The following FA2H variants were observed in gnomAD, a reference collection of about 807,000 sequenced individuals.
The protein encoded by FA2H is fatty acid 2-hydroxylase.
Under a neutral mutation model 44.9 loss-of-function variants are expected in FA2H, and 22 were observed. The observed-to-expected ratio is 0.49, with a 90% CI of 0.35 to 0.70. The LOEUF (loss-of-function observed/expected upper bound fraction) is 0.70. Among genes scored for constraint, FA2H ranks in the 30% least tolerant of loss-of-function variants. FA2H has a pLI of 0.01. For missense variants in FA2H, 501 were observed against 504.9 expected, an observed-to-expected ratio of 0.99 and a Z score of 0.07; for synonymous variants, 243 against 213.2, an observed-to-expected ratio of 1.14 and a Z score of -1.22.
At chr16:74,719,935 C>G (rs1480334456) in intron 4 of FA2H, among the ~76,000 whole-genome samples, 1 of 151,880 alleles carries the variant, frequency 6.6e-6, no homozygotes, top group African/African-American at 2.4e-5. Context: ...GCACCGAGAT[C>G]TCAACAGACA....
intron 1 of FA2H, among the ~76,000 whole-genome samples, chr16:74,768,117 G>A (rs1391835268): frequency 1.3e-5 from 2 of 152,180 alleles, no homozygotes; most frequent in South Asian, 2.1e-4. Flanking sequence ...AAAAATAAGC[G>A]AAGATGATGA....
chr16:74,743,148 G>C (rs949734867), intron 1 of FA2H, among the ~76,000 whole-genome samples: 1 of 152,086 alleles, frequency 6.6e-6, no homozygotes, highest in Non-Finnish European at 1.5e-5. Context: ...CACCATGCCC[G>C]ACCTCTATTT....
intron 1 of FA2H, among the ~76,000 whole-genome samples, chr16:74,764,216 G>A (rs185592600): frequency 6.6e-6 from 1 of 152,104 alleles, no homozygotes; most frequent in African/African-American, 2.4e-5. Flanking sequence ...TCCAGTTACT[G>A]GGTATATACC....
chr16:74,720,693 C>A (rs749680480), intron 4 of FA2H, among the ~76,000 whole-genome samples: 3 of 152,088 alleles, frequency 2.0e-5, no homozygotes, highest in Non-Finnish European at 4.4e-5. Context: ...ACATTTTTAT[C>A]ACTTCCCCGC....
rs113880686 is a variant in FA2H at position 74,750,232 on chromosome 16, C to A, written c.271-10117G>T. On this transcript the variant is annotated intron_variant, in intron 1 of 6. Transcript: ENST00000219368. ...GCATTCCACAAGGAAAATACACGTA[C>A]GACACCTAAAATATATTATCTCCTC... Among the ~76,000 whole-genome samples the A allele has an allele frequency of 3.2e-3, 493 of 152,228 alleles. 4 individuals are homozygous for A. The highest frequency in any genetic ancestry group is 4.3e-3 in the Non-Finnish European group (294 of 68,014).
intron 1 of FA2H, among the ~76,000 whole-genome samples, chr16:74,771,342 C>A (rs1232904204): frequency 6.6e-6 from 1 of 152,038 alleles, no homozygotes; most frequent in African/African-American, 2.4e-5. Flanking sequence ...AGGCATGCAC[C>A]ACCACGCCCA....
intron 6 of FA2H, among the ~76,000 whole-genome samples, chr16:74,715,628 A>G (rs1961675727): frequency 6.6e-6 from 1 of 152,214 alleles, no homozygotes; most frequent in African/African-American, 2.4e-5. Context: ...ATGTTGAAAT[A>G]ATAATTTGCT....
Position 74,774,666 on chromosome 16 carries a change from C to T in FA2H, c.90G>A (p.Gly30=), listed in dbSNP as rs1301123071. The change falls in exon 1 of 7, where the codon GGG becomes GGA. Residue 30 remains glycine (G), a synonymous_variant. Transcript: ENST00000219368. ...AGCTGGAGAGGTCGTAGAGGCGGGCCCCGCGGCGGACCCAGCACGCGCCGG... is the reference window on the plus strand; with the variant it reads ...AGCTGGAGAGGTCGTAGAGGCGGGCTCCGCGGCGGACCCAGCACGCGCCGG... The part of the protein sequence containing the change: ...LAAGACWVRR[G]ARLYDLSSFV... 6.3e-6 allele frequency: 9 copies of T among 1,435,346 alleles called. No homozygotes were observed. The highest frequency in any genetic ancestry group is 2.6e-5 in the Admixed American group (1 of 38,614). The allele number at this position is 1,435,346 out of a possible 1,614,324, so 88.9% of individuals were successfully genotyped here.
intron 4 of FA2H, among the ~76,000 whole-genome samples, chr16:74,722,588 C>T (rs968256565): frequency 2.6e-5 from 4 of 151,886 alleles, no homozygotes; most frequent in African/African-American, 9.7e-5. Flanking sequence ...TCCACTTTGC[C>T]ACTTCCCATT....
intron 1 of FA2H, among the ~76,000 whole-genome samples, chr16:74,773,186 A>C (rs1962939857): frequency 6.6e-6 from 1 of 152,186 alleles, no homozygotes; most frequent in South Asian, 2.1e-4. Context: ...TCATGTTATC[A>C]TCTTACATTA....
At chr16:74,772,026 C>T (rs527874173) in intron 1 of FA2H, among the ~76,000 whole-genome samples, 35 of 151,318 alleles carry the variant, frequency 2.3e-4, no homozygotes, top group Admixed American at 4.0e-4. Flanking sequence ...TCTTGGCTCA[C>T]TGCAACCTCC....
chr16:74,747,528 C>T (rs117763184), intron 1 of FA2H, among the ~76,000 whole-genome samples: 47 of 152,162 alleles, frequency 3.1e-4, no homozygotes, highest in Admixed American at 7.2e-4. Context: ...CAGAATGTGA[C>T]CTTCTTTGGA....
intron 4 of FA2H, 61 bp downstream of exon 4, chr16:74,726,164 A>G: frequency 8.8e-7 from 1 of 1,139,730 alleles, no homozygotes; most frequent in Non-Finnish European, 1.3e-6. Context: ...GGCCAGGGAA[A>G]GCACTGAGGT....
chr16:74,723,387 C>T (rs1961881477), intron 4 of FA2H, among the ~76,000 whole-genome samples: 1 of 152,136 alleles, frequency 6.6e-6, no homozygotes, highest in Non-Finnish European at 1.5e-5. Flanking sequence ...AGCTCAATCC[C>T]TTCCTCTCCC....
intron 1 of FA2H, among the ~76,000 whole-genome samples, chr16:74,745,305 T>C (rs1962397802): frequency 1.3e-5 from 2 of 152,210 alleles, no homozygotes; most frequent in Non-Finnish European, 2.9e-5. Flanking sequence ...TCTTGCTAAC[T>C]GCTCACTCCC....
At chr16:74,773,854 G>A (rs1427980794) in intron 1 of FA2H, among the ~76,000 whole-genome samples, 2 of 152,208 alleles carry the variant, frequency 1.3e-5, no homozygotes, top group Non-Finnish European at 2.9e-5. Context: ...ACTGGCTCAT[G>A]CCTTTCATTT....
intron 1 of FA2H, among the ~76,000 whole-genome samples, chr16:74,761,893 T>G (rs1198931168): frequency 6.6e-6 from 1 of 152,096 alleles, no homozygotes; most frequent in Non-Finnish European, 1.5e-5. Context: ...AAAGGGGCAA[T>G]GAATGAAGGA....
At chr16:74,768,008 CTGTG>C (rs1962839693) in intron 1 of FA2H, among the ~76,000 whole-genome samples, 1 of 152,102 alleles carries the variant, frequency 6.6e-6, no homozygotes, top group Non-Finnish European at 1.5e-5. Flanking sequence ...AGGGCTGTTT[CTGTG>C]ATGTGGTGGG....
intron 1 of FA2H, among the ~76,000 whole-genome samples, chr16:74,756,107 T>TA (rs966150838): frequency 6.6e-6 from 1 of 152,242 alleles, no homozygotes; most frequent in African/African-American, 2.4e-5. Context: ...GGCTTTCCAG[T>TA]AGAGGTGCCA....
Sources: gnomAD v4.1 joint callset for allele counts (sites outside exome capture counted in the v4.1 genomes callset) on GRCh38, gnomAD v4.1.1 for gene constraint, MANE v1.5 for transcripts, NCBI Gene and HGNC (gene_info 2026-07-23, HGNC 2026-07-21) for gene names.